ASIC2: variants seen among roughly 807,000 people sequenced by gnomAD.
ASIC2 encodes the protein acid sensing ion channel subunit 2, also known as acid-sensing ion channel 2.
ASIC2 carries 25 observed loss-of-function variants against 57.3 expected under a neutral mutation model. That is an observed-to-expected ratio of 0.44 (90% confidence interval 0.32 to 0.61). The LOEUF (loss-of-function observed/expected upper bound fraction) is 0.61. Ranked by LOEUF, ASIC2 falls within the 20% of genes least tolerant of loss-of-function variation. ASIC2 has a pLI of 0.06. For synonymous variants in ASIC2, 319 were observed against 307.5 expected (o/e 1.04, Z -0.39); for missense variants, 641 against 738.1 (o/e 0.87, Z 1.52).
intron 1 of ASIC2, among the ~76,000 whole-genome samples, chr17:33,390,089 G>A (rs1417108400): frequency 6.6e-6 from 1 of 152,048 alleles, no homozygotes; most frequent in Non-Finnish European, 1.5e-5. Context: ...GAGGCAGGTG[G>A]ATCACTTGAG....
intron 1 of ASIC2, among the ~76,000 whole-genome samples, chr17:33,270,555 A>G (rs954472153): frequency 3.3e-5 from 5 of 152,230 alleles, no homozygotes; most frequent in South Asian, 4.1e-4. Context: ...AATGGGTTTC[A>G]TCTAGCCTGC....
intron 1 of ASIC2, among the ~76,000 whole-genome samples, chr17:33,413,006 A>G (rs912477287): frequency 6.6e-6 from 1 of 152,146 alleles, no homozygotes; most frequent in Non-Finnish European, 1.5e-5. Flanking sequence ...CTTGTTCCCA[A>G]TGAGGGGCTA....
chr17:33,291,698 G>A lies in ASIC2; in HGVS notation c.418C>T (p.Pro140Ser). 1 of 1,613,632 alleles carries A rather than the reference G, an allele frequency of 6.2e-7. No homozygotes were observed. The highest frequency in any genetic ancestry group is 8.5e-7 in the Non-Finnish European group (1 of 1,179,884). Reference protein sequence around the residue: ...FPAVTVCNNNPLRFPRLSKGD... With the variant: ...FPAVTVCNNNSLRFPRLSKGD... ...TTGGAGAGGCGCGGGAAGCGCAGCG[G>A]GTTGTTGTTGCACACAGTGACGGCG... The change falls in exon 1 of 10, where the codon CCG becomes TCG. Residue 140 changes from proline to serine, a missense_variant. This residue lies in a region of ASIC2 where 382 missense variants were observed against 398.0 expected (regional missense o/e 0.96). Transcript: ENST00000225823.
At chr17:34,043,920 C>G (rs546257490) in intron 1 of ASIC2, among the ~76,000 whole-genome samples, 2 of 151,992 alleles carry the variant, frequency 1.3e-5, no homozygotes, top group African/African-American at 4.8e-5. Context: ...GTCATGAAAG[C>G]AAAAATGGGT....
At chr17:34,073,733 C>T (rs1479100940) in intron 1 of ASIC2, among the ~76,000 whole-genome samples, 2 of 152,194 alleles carry the variant, frequency 1.3e-5, no homozygotes, top group African/African-American at 2.4e-5. Context: ...ATTCACTCAG[C>T]TTGTCTATCT....
intron 1 of ASIC2, among the ~76,000 whole-genome samples, chr17:34,034,507 G>T (rs1567795527): frequency 6.6e-6 from 1 of 152,108 alleles, no homozygotes; most frequent in Non-Finnish European, 1.5e-5. Context: ...GGAAATTCTG[G>T]CCAGGGCAAT....
At chr17:33,438,453 T>C (rs763227319) in intron 1 of ASIC2, among the ~76,000 whole-genome samples, 1 of 152,130 alleles carries the variant, frequency 6.6e-6, no homozygotes, top group Non-Finnish European at 1.5e-5. Flanking sequence ...CAGGACCAAC[T>C]TGCAAATTTT....
At chr17:34,054,501 C>A (rs1031564051) in intron 1 of ASIC2, among the ~76,000 whole-genome samples, 2 of 152,070 alleles carry the variant, frequency 1.3e-5, no homozygotes, top group Non-Finnish European at 1.5e-5. Context: ...GGACCAGCTG[C>A]TAAACTCATA....
intron 1 of ASIC2, among the ~76,000 whole-genome samples, chr17:33,979,453 G>A (rs1461732808): frequency 6.6e-6 from 1 of 152,080 alleles, no homozygotes. Context: ...GGTGTCCCCT[G>A]TATGCACAGA....
intron 1 of ASIC2, among the ~76,000 whole-genome samples, chr17:33,610,253 G>A (rs1343214811): frequency 2.6e-5 from 4 of 152,172 alleles, no homozygotes; most frequent in African/African-American, 7.2e-5. Context: ...CAGCTCCTGG[G>A]TTCAAGCAAT....
At chr17:33,140,722 C>G (rs2092384185) in intron 1 of ASIC2, among the ~76,000 whole-genome samples, 1 of 152,220 alleles carries the variant, frequency 6.6e-6, no homozygotes, top group Non-Finnish European at 1.5e-5. Flanking sequence ...GCTGAATTCC[C>G]CAGAGCCCAA....
At chr17:33,992,318 G>A (rs887518731) in intron 1 of ASIC2, among the ~76,000 whole-genome samples, 1 of 152,174 alleles carries the variant, frequency 6.6e-6, no homozygotes, top group Non-Finnish European at 1.5e-5. Flanking sequence ...GGCTGTCGAT[G>A]ACATCATGGG....
intron 1 of ASIC2, among the ~76,000 whole-genome samples, chr17:33,673,028 G>T (rs1907685462): frequency 6.6e-6 from 1 of 152,214 alleles, no homozygotes; most frequent in South Asian, 2.1e-4. Flanking sequence ...AGTGATAATG[G>T]TGTAAAGCTT....
chr17:33,211,114 T>C (rs1025139314), intron 1 of ASIC2, among the ~76,000 whole-genome samples: 9 of 5,208 alleles, frequency 1.7e-3, no homozygotes, highest in African/African-American at 9.6e-3. Flanking sequence ...GGATTTTCAG[T>C]AGTGGAAAAT....
At chr17:33,864,894 A>T (rs1416816815) in intron 1 of ASIC2, among the ~76,000 whole-genome samples, 1 of 152,208 alleles carries the variant, frequency 6.6e-6, no homozygotes, top group East Asian at 1.9e-4. Context: ...AAAACATGCC[A>T]GGAAAACCAA....
At chr17:34,120,354 G>C (rs923512574) in intron 1 of ASIC2, among the ~76,000 whole-genome samples, 8 of 152,038 alleles carry the variant, frequency 5.3e-5, no homozygotes, top group Admixed American at 5.2e-4. Context: ...TGCTCCTCCT[G>C]CTTTTTTCCC....
intron 1 of ASIC2, among the ~76,000 whole-genome samples, chr17:33,651,880 C>T (rs1041780644): frequency 6.6e-6 from 1 of 152,152 alleles, no homozygotes; most frequent in African/African-American, 2.4e-5. Flanking sequence ...AGAACACAGT[C>T]TCCCTCTCCT....
intron 1 of ASIC2, among the ~76,000 whole-genome samples, chr17:33,579,312 G>C (rs545189077): frequency 1.3e-5 from 2 of 149,754 alleles, no homozygotes; most frequent in South Asian, 2.1e-4. Context: ...AAATGCAGGT[G>C]GGTGACTCAG....
At chr17:34,043,494 T>C (rs1057236660) in intron 1 of ASIC2, among the ~76,000 whole-genome samples, 14 of 152,162 alleles carry the variant, frequency 9.2e-5, no homozygotes, top group Non-Finnish European at 1.8e-4. Context: ...ATTTTTCTAT[T>C]CCTACAATGC....
Sources: gnomAD v4.1 joint callset for allele counts (sites outside exome capture counted in the v4.1 genomes callset) on GRCh38, gnomAD v4.1.1 for gene constraint, gnomAD v4.1.1 regional missense constraint, MANE v1.5 for transcripts, NCBI Gene and HGNC (gene_info 2026-07-23, HGNC 2026-07-21) for gene names.